Variants in TMC6 observed in about 807,000 individuals in gnomAD.
TMC6 encodes transmembrane channel like 6.
Under a neutral mutation model 95.4 loss-of-function variants are expected in TMC6, and 71 were observed. That is an observed-to-expected ratio of 0.74 (90% CI 0.61 to 0.91). The LOEUF is 0.91. Ranked by LOEUF, TMC6 falls within the 40% of genes least tolerant of loss-of-function variation. The pLI, the probability that TMC6 is intolerant of heterozygous loss-of-function variation, is 0.00. For synonymous variants in TMC6, 514 were observed against 483.1 expected, an observed-to-expected ratio of 1.06 and a Z score of -0.84; for missense variants, 1,074 against 1,079.1, an observed-to-expected ratio of 1.00 and a Z score of 0.07.
At chr17:78,126,252 G>C (rs1338359677) in intron 4 of TMC6, 25 bp downstream of exon 4, 2 of 1,544,926 alleles carry the variant, frequency 1.3e-6, no homozygotes, top group Admixed American at 2.0e-5. Flanking sequence ...CCGGGGCCGA[G>C]GCCGAGGCTG....
Position 78,119,479 on chromosome 17 carries a change from C to A in TMC6, c.1716-87G>T. 3 of 1,352,252 alleles carry A rather than the reference C, an allele frequency of 2.2e-6. No individual in the cohort carries two copies. The South Asian group carries it at 3.6e-5, about 16-fold the overall frequency. 83.8% of individuals were successfully genotyped at this position (1,352,252 alleles called of 1,614,324 possible). A position where few individuals can be genotyped will look rare whatever the true frequency, so the allele number is the denominator to read the frequency against. On this transcript the variant is annotated intron_variant, in intron 13 of 19. Transcript: ENST00000590602. ...TCCCCACACCCAGAGGCACCCCGCC[C>A]CCAGCCAGGGGACATCCTGGCCGTT...
At chr17:78,127,349 A>G (rs544056106) in intron 1 of TMC6, among the ~76,000 whole-genome samples, 4 of 152,246 alleles carry the variant, frequency 2.6e-5, no homozygotes, top group Admixed American at 6.5e-5. Flanking sequence ...CTAGCAGGAA[A>G]TTAGCTGCTG....
At position 78,117,620 on chromosome 17, in the gene TMC6, G is replaced by T; in HGVS notation, c.2046C>A (p.Gly682=). 6.3e-7 allele frequency: 1 copy of T among 1,576,436 alleles called. No homozygotes were observed. Among genetic ancestry groups the T allele is most frequent in the East Asian group, 2.3e-5 (1 of 42,976 alleles). ...ACATGGTGTCCAGGGTCCGGAAGGG[G>T]CCGCAGGTGCTCGAGGGCTTCACCC... The part of the protein sequence containing the change: ...VWQVKPSSTC[G]PFRTLDTMYE... The change falls in exon 17 of 20, where the codon GGC becomes GGA. Residue 682 remains glycine (G), a synonymous_variant. Transcript: ENST00000590602.
chr17:78,119,926 G>A (rs954661253), intron 13 of TMC6: 1 of 339,460 alleles, frequency 2.9e-6, no homozygotes. Context: ...GGGATTACAG[G>A]CGTGAGCCAC....
chr17:78,124,986 C>G lies in TMC6; in HGVS notation c.537-1G>C, dbSNP rs1423762756. ...CCCCCTCGGGGTCCTGCTCTTCTCTCTGGGGACAGAGGCAGCCATAGGTGC... is the reference window on the plus strand; with the variant it reads ...CCCCCTCGGGGTCCTGCTCTTCTCTGTGGGGACAGAGGCAGCCATAGGTGC... On this transcript the variant is annotated splice_acceptor_variant, in intron 6 of 19. Coordinates refer to ENST00000590602, the MANE Select transcript of TMC6 (RefSeq NM_001127198.5). LOFTEE classifies it high-confidence loss of function. 1.9e-6 allele frequency: 3 copies of G among 1,585,954 alleles called. No individual in the cohort carries two copies. Among genetic ancestry groups the G allele is most frequent in the Non-Finnish European group, 2.6e-6 (3 of 1,169,174 alleles).
Position 78,117,500 on chromosome 17 carries a change from G to C in TMC6, c.2166C>G (p.Thr722=). 1 of 1,609,100 alleles carries C rather than the reference G, an allele frequency of 6.2e-7. No individual in the cohort carries two copies. The highest frequency in any genetic ancestry group is 8.5e-7 in the Non-Finnish European group (1 of 1,178,928). Residue 722 remains threonine, a synonymous_variant, in exon 17 of 20, where the codon ACC becomes ACG. Transcript: ENST00000590602. ...PWVHRYLMEN[T]FFVFLVSALL... ...GGGCTGACACCAGGAAGACAAAGAA[G>C]GTGTTTTCCATCAGGTACCGGTGCA...
chr17:78,125,472 C>T (rs767816703), intron 5 of TMC6, among the ~76,000 whole-genome samples: 21 of 152,260 alleles, frequency 1.4e-4, no homozygotes, highest in Non-Finnish European at 7.3e-5. Context: ...CTGTTTCCCA[C>T]GCACGGTCCC....
Position 78,125,311 on chromosome 17 carries a change from T to G in TMC6, c.431-48A>C, listed in dbSNP as rs1159008487. Reference sequence around the variant, plus strand: ...CTGCCCATCCCCAAGTGCCCCTCCCTGCAGCCCGAAGCCGGGACCCTGGTC... The same window carrying G: ...CTGCCCATCCCCAAGTGCCCCTCCCGGCAGCCCGAAGCCGGGACCCTGGTC... On this transcript the variant is annotated intron_variant, in intron 5 of 19. Transcript: ENST00000590602. 3 of 1,510,114 alleles carry G rather than the reference T, an allele frequency of 2.0e-6. No homozygotes were observed. In the Admixed American group the frequency reaches 5.9e-5, roughly 30 times the overall value. 93.5% of individuals were successfully genotyped at this position (1,510,114 alleles called of 1,614,324 possible).
At chr17:78,114,360 A>G (rs781631332) in intron 18 of TMC6, among the ~76,000 whole-genome samples, 15 of 152,124 alleles carry the variant, frequency 9.9e-5, no homozygotes, top group Non-Finnish European at 1.9e-4. Flanking sequence ...GCCATCTCCT[A>G]TCCAAAGTCA....
At chr17:78,116,244 T>A (rs2074104777) in intron 18 of TMC6, among the ~76,000 whole-genome samples, 1 of 149,254 alleles carries the variant, frequency 6.7e-6, no homozygotes, top group South Asian at 2.1e-4. Flanking sequence ...CCCAAAGTGC[T>A]GGGATTAGAG....
rs202174817 is a variant in TMC6, at chr17:78,117,430, G to T, written c.2198+38C>A. 1.1e-5 allele frequency: 18 copies of T among 1,610,710 alleles called. No homozygotes were observed. The Middle Eastern group carries it at 7.6e-4, about 68-fold the overall frequency. On this transcript the variant is annotated intron_variant, in intron 17 of 19. Transcript: ENST00000590602. ...CCCACACGGTGCAGGCCCAGCGAGGGCCATCTCCCCAGGGCCGCCCCCACC... is the reference window on the plus strand; with the variant it reads ...CCCACACGGTGCAGGCCCAGCGAGGTCCATCTCCCCAGGGCCGCCCCCACC...
chr17:78,117,380 G>C, intron 17 of TMC6, 33 bp from the exon 18 acceptor site: 1 of 1,612,722 alleles, frequency 6.2e-7, no homozygotes, highest in Non-Finnish European at 8.5e-7. Context: ...CAGGGCCCAG[G>C]GCCACAGCCC....
intron 18 of TMC6, among the ~76,000 whole-genome samples, chr17:78,116,884 A>G (rs73374940): frequency 0.063 from 9,633 of 152,212 alleles, 586 homozygotes; most frequent in East Asian, 0.24. Context: ...CGTCTCCAAA[A>G]AAAAAAGTTT....
chr17:78,116,290 T>A (rs1038839198), intron 18 of TMC6, among the ~76,000 whole-genome samples: 13 of 150,866 alleles, frequency 8.6e-5, no homozygotes, highest in Non-Finnish European at 4.4e-5. Context: ...TTTTTTTTTT[T>A]TTTTATGAGA....
chr17:78,117,128 T>C, intron 18 of TMC6, 141 bp downstream of exon 18: 1 of 843,026 alleles, frequency 1.2e-6, no homozygotes, highest in East Asian at 2.5e-5. Context: ...AGTGCACGTA[T>C]TGATCAGGGT....
chr17:78,114,556 C>T (rs1043646005), intron 18 of TMC6, among the ~76,000 whole-genome samples: 17 of 151,964 alleles, frequency 1.1e-4, no homozygotes, highest in Non-Finnish European at 2.4e-4. Flanking sequence ...TCTGGTGCAC[C>T]GAAACACTGA....
In TMC6 at chr17:78,124,637, C is replaced by T. The variant is rs763468328; in HGVS notation, c.778G>A (p.Ala260Thr). 4 of 1,611,986 alleles carry T rather than the reference C, an allele frequency of 2.5e-6. No individual in the cohort carries two copies. The highest frequency in any genetic ancestry group is 3.3e-4 in the Middle Eastern group (2 of 6,080). ...GCCACCAGCAGCAGCAGCAGGAGGG[C>T]ATTGAAAGCCAGCAGGGTCTTGAGA... ...LFLKTLLAFN[A>T]LLLLLLVAFI... Residue 260 changes from alanine (A) to threonine (T), a missense_variant, in exon 8 of 20, where the codon GCC becomes ACC. Physicochemically the swap from Ala to Thr is moderately conservative, Grantham distance 58. Coordinates refer to ENST00000590602, the MANE Select transcript of TMC6 (RefSeq NM_001127198.5).
chr17:78,131,941 G>T, upstream of TMC6: 1 of 1,508,914 alleles, frequency 6.6e-7, no homozygotes, highest in East Asian at 2.5e-5. Context: ...CAGCGCCGGC[G>T]GCAGACGGTG....
Position 78,121,545 on chromosome 17 carries a change from C to CA in TMC6, c.1383+10dup, listed in dbSNP as rs1555655088. 65 of 1,610,878 alleles carry CA rather than the reference C, an allele frequency of 4.0e-5. 1 individual carries two copies. Among genetic ancestry groups the CA allele is most frequent in the Non-Finnish European group, 5.3e-5 (62 of 1,179,700 alleles). On this transcript the variant is annotated intron_variant, in intron 11 of 19. Coordinates refer to ENST00000590602, the MANE Select transcript of TMC6 (RefSeq NM_001127198.5). This position sits in a 1 kb window ranked among gnomAD's most constrained non-coding sequence, Gnocchi z 5.6. ...TTCCAAGCAAGGGCCAGGCTCCCCC[C>CA]ATCCCCGCACCTGGATCATGAACTC...
Sources: allele counts gnomAD v4.1 joint callset (sites outside exome capture counted in the v4.1 genomes callset), GRCh38; gene constraint gnomAD v4.1.1; non-coding constraint Gnocchi (gnomAD v3.1); transcripts MANE v1.5; gene names NCBI Gene and HGNC (gene_info 2026-07-23, HGNC 2026-07-21).